IFNGR2: variants seen among roughly 807,000 people sequenced by gnomAD.
IFNGR2 encodes the protein interferon gamma receptor 2.
In IFNGR2, 15 loss-of-function variants were observed where a neutral mutation model predicts 41.1. The observed-to-expected ratio is 0.37, with a 90% CI of 0.24 to 0.56. The LOEUF is 0.56. Among genes scored for constraint, IFNGR2 ranks in the 20% least tolerant of loss-of-function variants. The pLI is 0.81. For missense variants in IFNGR2, 362 were observed against 415.7 expected (o/e 0.87, Z 1.12); for synonymous variants, 161 against 171.6 (o/e 0.94, Z 0.48).
chr21:33,410,166 ATTTTT>A (rs373991238), intron 1 of IFNGR2, among the ~76,000 whole-genome samples: 1 of 137,166 alleles, frequency 7.3e-6, no homozygotes. Context: ...AATTACAATA[ATTTTT>A]TTTTTTTTTT....
intron 1 of IFNGR2, 48 bp downstream of exon 1, chr21:33,403,664 C>G: frequency 8.3e-7 from 1 of 1,198,838 alleles, no homozygotes; most frequent in Non-Finnish European, 1.1e-6. Flanking sequence ...GCAGCCGCAG[C>G]ATGTGGGGGC....
intron 1 of IFNGR2, chr21:33,411,448 T>C (rs527526084): frequency 2.5e-5 from 12 of 470,784 alleles, no homozygotes; most frequent in African/African-American, 2.2e-4. Context: ...TCCCCAGAGA[T>C]GGGAGATGGT....
At chr21:33,413,942 C>T (rs1382503975) in intron 1 of IFNGR2, among the ~76,000 whole-genome samples, 1 of 143,432 alleles carries the variant, frequency 7.0e-6, no homozygotes, top group Non-Finnish European at 1.5e-5. Context: ...AAGCGATTCT[C>T]CTGCCTCAGC....
chr21:33,413,366 G>T (rs9808685), intron 1 of IFNGR2, among the ~76,000 whole-genome samples: 75,220 of 151,914 alleles, frequency 0.5, 19,161 homozygotes, highest in East Asian at 0.82. Flanking sequence ...GCTCATAGGT[G>T]TGGAGGGGAG....
At chr21:33,428,104 C>T (rs1188160151) in intron 4 of IFNGR2, among the ~76,000 whole-genome samples, 6 of 151,866 alleles carry the variant, frequency 4.0e-5, no homozygotes, top group African/African-American at 7.3e-5. Flanking sequence ...AGGTCAGCAG[C>T]GAATCACTGG....
At chr21:33,412,463 C>T (rs2083724137) in intron 1 of IFNGR2, among the ~76,000 whole-genome samples, 1 of 152,156 alleles carries the variant, frequency 6.6e-6, no homozygotes, top group African/African-American at 2.4e-5. Flanking sequence ...CAAAAATGTG[C>T]TTTCTAAGTC....
rs372960811 is a variant in IFNGR2, at chr21:33,414,128, C to CG, written c.74-757dup. On this transcript the variant is annotated intron_variant, in intron 1 of 6. Coordinates refer to ENST00000290219, the MANE Select transcript of IFNGR2 (RefSeq NM_005534.4). ...GATTATAGGTGTGAGCCACTGAGCTCGGGCCGTGTTGTCCTCTAACTTTAA... is the reference window on the plus strand; with the variant it reads ...GATTATAGGTGTGAGCCACTGAGCTCGGGGCCGTGTTGTCCTCTAACTTTAA... Among the ~76,000 whole-genome samples, 71 of 152,210 alleles carry CG rather than the reference C, an allele frequency of 4.7e-4. 2 individuals carry two copies. The highest frequency in any genetic ancestry group is 1.6e-3 in the African/African-American group (66 of 41,528).
chr21:33,428,278 G>A (rs557131939), intron 4 of IFNGR2, among the ~76,000 whole-genome samples: 3 of 148,680 alleles, frequency 2.0e-5, no homozygotes, highest in African/African-American at 7.5e-5. Context: ...CTAGAGTACT[G>A]TGGTACCATC....
At chr21:33,415,121 A>G in intron 2 of IFNGR2, 101 bp downstream of exon 2, 1 of 1,405,082 alleles carries the variant, frequency 7.1e-7, no homozygotes, top group Non-Finnish European at 1.0e-6. Context: ...AGGGTTTGTT[A>G]TCAAACCCGT....
rs1050682443 is a variant in IFNGR2 at position 33,437,464 on chromosome 21, A to C, written c.*502A>C. On this transcript the variant is annotated 3_prime_UTR_variant, in exon 7 of 7. Coordinates refer to ENST00000290219, the MANE Select transcript of IFNGR2 (RefSeq NM_005534.4). ...TTGTAAATATACTCCTAGTAATTTA[A>C]GATTTTGTTTTTAAACTGGAAATAA... 6.5e-6 allele frequency: 1 copy of C among 154,940 alleles called. No homozygotes were observed. Among genetic ancestry groups the C allele is most frequent in the Non-Finnish European group, 1.4e-5 (1 of 69,852 alleles). 9.6% of individuals were successfully genotyped at this position (154,940 alleles called of 1,614,324 possible).
At chr21:33,432,936 A>G (rs2083904886) in intron 6 of IFNGR2, 65 bp downstream of exon 6, 1 of 1,346,376 alleles carries the variant, frequency 7.4e-7, no homozygotes, top group Admixed American at 1.9e-5. Flanking sequence ...CCCAGGCGGG[A>G]GTGTCATGGT....
intron 6 of IFNGR2, among the ~76,000 whole-genome samples, chr21:33,436,618 G>A (rs2083954220): frequency 6.6e-6 from 1 of 151,828 alleles, no homozygotes; most frequent in South Asian, 2.1e-4. Context: ...GCTACTTGGA[G>A]GATTGAGGCA....
At chr21:33,417,118 G>T (rs1330653990) in intron 2 of IFNGR2, among the ~76,000 whole-genome samples, 3 of 150,552 alleles carry the variant, frequency 2.0e-5, no homozygotes, top group Non-Finnish European at 3.0e-5. Flanking sequence ...CTGAGACAAG[G>T]TCTCACTCTG....
intron 1 of IFNGR2, among the ~76,000 whole-genome samples, chr21:33,412,534 G>A (rs2083724660): frequency 6.6e-6 from 1 of 152,148 alleles, no homozygotes; most frequent in African/African-American, 2.4e-5. Flanking sequence ...TATTTAATGA[G>A]GACTGTGGTA....
intron 2 of IFNGR2, among the ~76,000 whole-genome samples, chr21:33,418,841 C>T (rs1393354052): frequency 6.6e-6 from 1 of 152,070 alleles, no homozygotes; most frequent in Non-Finnish European, 1.5e-5. Context: ...ATCCTGATGT[C>T]AGTTTTCCTT....
Position 33,437,057 on chromosome 21 carries a change from C to T in IFNGR2, c.*95C>T. 7.8e-7 allele frequency: 1 copy of T among 1,287,452 alleles called. No homozygotes were observed. Among genetic ancestry groups the T allele is most frequent in the Non-Finnish European group, 1.1e-6 (1 of 894,222 alleles). 79.8% of individuals were successfully genotyped at this position (1,287,452 alleles called of 1,614,324 possible). On this transcript the variant is annotated 3_prime_UTR_variant, in exon 7 of 7. Coordinates refer to ENST00000290219, the MANE Select transcript of IFNGR2 (RefSeq NM_005534.4). ...CTGGACTTTCCAGAGACCAGTATTCCCTTTTGCTGCCTCTAAAAGGCCTGT... is the reference window on the plus strand; with the variant it reads ...CTGGACTTTCCAGAGACCAGTATTCTCTTTTGCTGCCTCTAAAAGGCCTGT...
At chr21:33,415,489 A>G (rs930417433) in intron 2 of IFNGR2, among the ~76,000 whole-genome samples, 2 of 152,198 alleles carry the variant, frequency 1.3e-5, no homozygotes, top group Admixed American at 6.5e-5. Context: ...TGGCTCTTTC[A>G]TCTGTCTCTT....
At chr21:33,412,035 C>T (rs1407129012) in intron 1 of IFNGR2, among the ~76,000 whole-genome samples, 5 of 152,146 alleles carry the variant, frequency 3.3e-5, no homozygotes, top group East Asian at 1.9e-4. Context: ...GTGATCCTCC[C>T]GCCTCAGCCC....
intron 1 of IFNGR2, among the ~76,000 whole-genome samples, chr21:33,413,825 C>CTT (rs1568952346): frequency 2.5e-5 from 2 of 79,390 alleles, no homozygotes; most frequent in Non-Finnish European, 5.3e-5. Context: ...TGCCCCCTAA[C>CTT]CTTTTTTTTT....
Sources: gnomAD v4.1 joint callset for allele counts (sites outside exome capture counted in the v4.1 genomes callset) on GRCh38, gnomAD v4.1.1 for gene constraint, MANE v1.5 for transcripts, NCBI Gene and HGNC (gene_info 2026-07-23, HGNC 2026-07-21) for gene names.